The following EHMT1 variants were observed in gnomAD, a reference collection of about 807,000 sequenced individuals.
The protein encoded by EHMT1 is euchromatic histone lysine methyltransferase 1.
Under a neutral mutation model 147.2 loss-of-function variants are expected in EHMT1, and 15 were observed. The observed-to-expected ratio is 0.10, with a 90% CI of 0.07 to 0.16. EHMT1 has a LOEUF of 0.16. Ranked by LOEUF, EHMT1 falls within the 10% of genes least tolerant of loss-of-function variation. The pLI is 1.00. For missense variants in EHMT1, 1,587 were observed against 1,772.4 expected (o/e 0.90, Z 1.88); for synonymous variants, 795 against 709.6 (o/e 1.12, Z -1.91).
intron 6 of EHMT1, chr9:137,746,226 T>A (rs534955888): frequency 6.6e-6 from 1 of 152,436 alleles, no homozygotes; most frequent in African/African-American, 2.4e-5. Flanking sequence ...GCGATCCTCC[T>A]GCCTCAGCTT....
intron 1 of EHMT1, chr9:137,666,187 A>G (rs903274070): frequency 1.3e-5 from 2 of 152,352 alleles, no homozygotes; most frequent in African/African-American, 4.8e-5. Context: ...TTGCCTGCCA[A>G]AATAACCCTG....
intron 24 of EHMT1, 136 bp downstream of exon 24, chr9:137,817,661 G>A: frequency 8.7e-7 from 1 of 1,148,354 alleles, no homozygotes; most frequent in Non-Finnish European, 1.3e-6. Context: ...GGGCCACAGA[G>A]ACCCTGGCCC....
At chr9:137,755,463 T>C (rs1949312924) in intron 8 of EHMT1, among the ~76,000 whole-genome samples, 1 of 152,256 alleles carries the variant, frequency 6.6e-6, no homozygotes, top group Admixed American at 6.5e-5. Flanking sequence ...CACAGTCTTA[T>C]CTGTCCATTC....
intron 1 of EHMT1, chr9:137,685,361 C>T (rs1942337537): frequency 6.6e-6 from 1 of 152,082 alleles, no homozygotes; most frequent in African/African-American, 2.4e-5. Context: ...CAATATTTGT[C>T]CTTTTGTGTC....
At chr9:137,718,043 C>T (rs1004033692) in intron 3 of EHMT1, among the ~76,000 whole-genome samples, 1 of 150,730 alleles carries the variant, frequency 6.6e-6, no homozygotes, top group Non-Finnish European at 1.5e-5. Context: ...TTTTCACACG[C>T]AGGGTGCGCC....
chr9:137,811,641 G>C, intron 19 of EHMT1, 26 bp downstream of exon 19: 1 of 1,599,170 alleles, frequency 6.3e-7, no homozygotes, highest in Non-Finnish European at 8.5e-7. Context: ...CCCCCAGCGC[G>C]GGCTGGCGCT....
intron 25 of EHMT1, among the ~76,000 whole-genome samples, chr9:137,823,062 C>A (rs1955549691): frequency 6.7e-6 from 1 of 150,172 alleles, no homozygotes. Context: ...TCCTGAGTAG[C>A]TGGGACTACA....
chr9:137,656,178 G>A (rs1358986700), intron 1 of EHMT1, among the ~76,000 whole-genome samples: 2 of 152,126 alleles, frequency 1.3e-5, no homozygotes, highest in African/African-American at 2.4e-5. Context: ...TCAGGAGTTA[G>A]AGACCAGCCT....
chr9:137,832,848 C>T (rs1405303861), intron 25 of EHMT1: 1 of 152,274 alleles, frequency 6.6e-6, no homozygotes, highest in Admixed American at 6.5e-5. Flanking sequence ...GTGTGTGCGC[C>T]GTTGCTAGTT....
chr9:137,684,548 G>A (rs752463410), intron 1 of EHMT1, among the ~76,000 whole-genome samples: 1 of 152,162 alleles, frequency 6.6e-6, no homozygotes, highest in Non-Finnish European at 1.5e-5. Flanking sequence ...TTGGAGTGCA[G>A]TGGTGTGATC....
chr9:137,827,019 C>G (rs1361604690), intron 25 of EHMT1, among the ~76,000 whole-genome samples: 1 of 152,190 alleles, frequency 6.6e-6, no homozygotes. Flanking sequence ...GCCGGGGGGT[C>G]CCCGCCTCCT....
chr9:137,775,744 C>T lies in EHMT1; in HGVS notation c.1791+492C>T, dbSNP rs1950907366. ...GAGAGGTGGCAGCACCTTGCTGTGC[C>T]CTGGGCTGTTTCTGCTGGGATCTTG... is the stretch of plus-strand genomic sequence containing the variant. On this transcript the variant is annotated intron_variant, in intron 11 of 26. Coordinates refer to ENST00000460843, the MANE Select transcript of EHMT1 (RefSeq NM_024757.5). The surrounding 1 kb of genome is among the most constrained non-coding windows in gnomAD (Gnocchi z 6.1). 6.6e-6 allele frequency among the ~76,000 whole-genome samples: 1 copy of T among 152,040 alleles called. No individual in the cohort carries two copies. The highest frequency in any genetic ancestry group is 1.5e-5 in the Non-Finnish European group (1 of 67,996).
Position 137,716,877 on chromosome 9 carries a change from G to C in EHMT1, c.337G>C (p.Asp113His). The change falls in exon 3 of 27, where the codon GAC becomes CAC. Residue 113 changes from aspartate to histidine, a missense_variant. Physicochemically the swap from Asp to His is moderately conservative, Grantham distance 81. This residue lies in a region of EHMT1 where 810 missense variants were observed against 673.0 expected (regional missense o/e 1.20). Coordinates refer to ENST00000460843, the MANE Select transcript of EHMT1 (RefSeq NM_024757.5). The stretch of plus-strand genomic sequence containing the variant: ...GAAGCAAAACCACGTCACTGCCGAC[G>C]ACTTTGTGCAGACTTCTGTCATCGG... ...AAKQNHVTADDFVQTSVIGSN... is the reference protein window; with the variant it reads ...AAKQNHVTADHFVQTSVIGSN... 1 of 1,613,242 alleles carries C rather than the reference G, an allele frequency of 6.2e-7. No homozygotes were observed. Among genetic ancestry groups the C allele is most frequent in the Non-Finnish European group, 8.5e-7 (1 of 1,179,916 alleles).
chr9:137,670,015 GC>G (rs1940373957), intron 1 of EHMT1, among the ~76,000 whole-genome samples: 1 of 151,988 alleles, frequency 6.6e-6, no homozygotes, highest in African/African-American at 2.4e-5. Context: ...GTGCCATCAC[GC>G]CCAGCTAATG....
intron 18 of EHMT1, among the ~76,000 whole-genome samples, chr9:137,809,383 G>A (rs1954220188): frequency 6.6e-6 from 1 of 152,242 alleles, no homozygotes; most frequent in Non-Finnish European, 1.5e-5. Context: ...CTGCCTACCT[G>A]CAGAGCCAGT....
At chr9:137,734,580 C>G (rs542272776) in intron 4 of EHMT1, among the ~76,000 whole-genome samples, 63 of 152,236 alleles carry the variant, frequency 4.1e-4, no homozygotes, top group Admixed American at 7.2e-4. Context: ...CTGATGAAAC[C>G]CATGAGTATA....
intron 1 of EHMT1, among the ~76,000 whole-genome samples, chr9:137,632,969 C>T (rs1200019085): frequency 6.6e-6 from 1 of 152,198 alleles, no homozygotes; most frequent in Non-Finnish European, 1.5e-5. Flanking sequence ...GGTCTTCCTG[C>T]TGCTGTGTGA....
Position 137,782,782 on chromosome 9 carries a change from A to C in EHMT1, c.2382+385A>C, listed in dbSNP as rs1471989444. ...TAGATCAGATCGTGTGAGCATTTTC[A>C]AGCTGAACCACGTCGTCTACAGGGT... On this transcript the variant is annotated intron_variant, in intron 15 of 26. Coordinates refer to ENST00000460843, the MANE Select transcript of EHMT1 (RefSeq NM_024757.5). This position sits in a 1 kb window ranked among gnomAD's most constrained non-coding sequence, Gnocchi z 5.7. Among the ~76,000 whole-genome samples the C allele has an allele frequency of 6.6e-6, 1 of 152,124 alleles. No individual in the cohort carries two copies. Among genetic ancestry groups the C allele is most frequent in the Admixed American group, 6.5e-5 (1 of 15,274 alleles).
chr9:137,822,817 T>C (rs901771344), intron 25 of EHMT1, among the ~76,000 whole-genome samples: 1 of 150,116 alleles, frequency 6.7e-6, no homozygotes, highest in Admixed American at 6.6e-5. Context: ...TGCTTGAACT[T>C]GGGAGGTGGA....
Sources: gnomAD v4.1 joint callset for allele counts (sites outside exome capture counted in the v4.1 genomes callset) on GRCh38, gnomAD v4.1.1 for gene constraint, gnomAD v4.1.1 regional missense constraint, Gnocchi (gnomAD v3.1) non-coding constraint, MANE v1.5 for transcripts, NCBI Gene and HGNC (gene_info 2026-07-23, HGNC 2026-07-21) for gene names.